The following C5orf47 variants were observed in gnomAD, a reference collection of about 807,000 sequenced individuals.
C5orf47 encodes the protein uncharacterized protein C5orf47.
A neutral mutation model predicts 20.6 loss-of-function variants in C5orf47; 20 were observed. The observed-to-expected ratio is 0.97, with a 90% CI of 0.68 to 1.41. The LOEUF is 1.41. C5orf47 is among the 40% of genes most tolerant of loss of function. The probability of loss-of-function intolerance (pLI) is 0.00; values close to 1 mark genes in which losing one functional copy is unlikely to be tolerated. For synonymous variants in C5orf47, 106 were observed against 97.3 expected, an observed-to-expected ratio of 1.09 and a Z score of -0.53; for missense variants, 262 against 238.4, an observed-to-expected ratio of 1.10 and a Z score of -0.65.
chr5:174,000,559 T>G (rs1467847086), intron 3 of C5orf47, among the ~76,000 whole-genome samples: 2 of 152,140 alleles, frequency 1.3e-5, no homozygotes, highest in African/African-American at 2.4e-5. Flanking sequence ...CTTAGTACGG[T>G]CATTCTATGG....
In C5orf47 at chr5:174,004,711, A is replaced by G. The variant is rs565418163; in HGVS notation, c.*457A>G. On this transcript the variant is annotated 3_prime_UTR_variant, in exon 5 of 5. Transcript: ENST00000340147. ...TTTTTGGCTTCCTCTAAACTTCTCA[A>G]TTATTTTATGGAAAAAACCTTAGAA... is the stretch of plus-strand genomic sequence containing the variant. The G allele has an allele frequency of 4.6e-5, 7 of 152,278 alleles. No homozygotes were observed. Among genetic ancestry groups the G allele is most frequent in the Non-Finnish European group, 8.8e-5 (6 of 67,994 alleles). 9.4% of individuals were successfully genotyped at this position (152,278 alleles called of 1,614,324 possible).
chr5:173,993,153 C>G (rs1759029043), intron 1 of C5orf47, among the ~76,000 whole-genome samples: 1 of 152,142 alleles, frequency 6.6e-6, no homozygotes, highest in Admixed American at 6.5e-5. Flanking sequence ...AGTTTCTCTT[C>G]CCTGCTGGCC....
At chr5:173,989,698 C>G in intron 1 of C5orf47, 110 bp downstream of exon 1, 1 of 1,008,360 alleles carries the variant, frequency 9.9e-7, no homozygotes, top group South Asian at 2.3e-5. Context: ...GGGCAGCTTT[C>G]CTGTCAGGCC....
chr5:174,009,215 GA>G (rs1165683749), downstream of C5orf47, among the ~76,000 whole-genome samples: 1 of 151,242 alleles, frequency 6.6e-6, no homozygotes, highest in South Asian at 2.1e-4. Flanking sequence ...TATCTTAAAA[GA>G]AAAAAAATAA....
chr5:173,996,947 A>G (rs1759109681), intron 1 of C5orf47, among the ~76,000 whole-genome samples: 1 of 152,200 alleles, frequency 6.6e-6, no homozygotes, highest in African/African-American at 2.4e-5. Context: ...ATATGAGTTA[A>G]TATTCCTTAG....
At chr5:173,994,040 A>C (rs1414250024) in intron 1 of C5orf47, among the ~76,000 whole-genome samples, 2 of 152,318 alleles carry the variant, frequency 1.3e-5, no homozygotes, top group East Asian at 3.9e-4. Context: ...TTTTCCTTGC[A>C]AAAAGTTGTC....
intron 4 of C5orf47, among the ~76,000 whole-genome samples, chr5:174,003,406 G>A (rs550220515): frequency 1.2e-4 from 18 of 152,236 alleles, no homozygotes; most frequent in Middle Eastern, 3.4e-3. Context: ...AGATGATGCT[G>A]AGTTTTGAGA....
chr5:174,007,000 CTGTT>C (rs111638591), downstream of C5orf47, among the ~76,000 whole-genome samples: 1,068 of 152,304 alleles, frequency 7.0e-3, 4 homozygotes, highest in African/African-American at 0.017. Context: ...CAAAGGTTCT[CTGTT>C]TGTCTTTCTG....
At chr5:173,994,923 C>T (rs530059480) in intron 1 of C5orf47, among the ~76,000 whole-genome samples, 1 of 152,250 alleles carries the variant, frequency 6.6e-6, no homozygotes, top group South Asian at 2.1e-4. Context: ...AAGTGATTCT[C>T]CTGCCTCAGC....
intron 3 of C5orf47, 41 bp from the exon 4 acceptor site, chr5:174,001,155 A>T: frequency 7.1e-7 from 1 of 1,415,370 alleles, no homozygotes; most frequent in South Asian, 1.3e-5. Flanking sequence ...CCAGTGCTAG[A>T]GGCCAACTTA....
downstream of C5orf47, among the ~76,000 whole-genome samples, chr5:174,008,533 T>C (rs1271780241): frequency 1.3e-5 from 2 of 152,112 alleles, no homozygotes; most frequent in Admixed American, 1.3e-4. Flanking sequence ...TTAAATGCCT[T>C]TTGAAAAACA....
In C5orf47 at chr5:174,005,252, A is replaced by T. The variant is rs531483301; in HGVS notation, c.*998A>T. The T allele has an allele frequency of 1.3e-4, 20 of 152,290 alleles. No homozygotes were observed. Among genetic ancestry groups the T allele is most frequent in the Admixed American group, 5.9e-4 (9 of 15,288 alleles). The allele number at this position is 152,290 out of a possible 1,614,324, so 9.4% of individuals were successfully genotyped here. A position where few individuals can be genotyped will look rare whatever the true frequency, so the allele number is the denominator to read the frequency against. ...CAGGATGATTACAGTGATGACATCC[A>T]TTCTTTTTTGGGGGCATTGAGAAGG... On this transcript the variant is annotated 3_prime_UTR_variant, in exon 5 of 5. Transcript: ENST00000340147.
At chr5:174,000,553 G>C (rs1316023966) in intron 3 of C5orf47, among the ~76,000 whole-genome samples, 4 of 151,952 alleles carry the variant, frequency 2.6e-5, no homozygotes, top group African/African-American at 9.7e-5. Flanking sequence ...TGAGTTCTTA[G>C]TACGGTCATT....
intron 3 of C5orf47, among the ~76,000 whole-genome samples, chr5:174,000,595 A>AT (rs1759178777): frequency 6.6e-6 from 1 of 152,088 alleles, no homozygotes; most frequent in Admixed American, 6.6e-5. Context: ...AGTCAGTAAA[A>AT]TTGCAGTATT....
At chr5:173,990,671 C>T (rs764276827) in intron 1 of C5orf47, among the ~76,000 whole-genome samples, 1 of 150,518 alleles carries the variant, frequency 6.6e-6, no homozygotes, top group African/African-American at 2.5e-5. Flanking sequence ...ATCTTGACCT[C>T]AGGTGATCCA....
At chr5:174,000,374 A>G (rs760138523) in intron 3 of C5orf47, among the ~76,000 whole-genome samples, 4 of 152,162 alleles carry the variant, frequency 2.6e-5, no homozygotes, top group Admixed American at 6.5e-5. Flanking sequence ...TGGTGTGTTT[A>G]TCAAAATAAT....
Position 174,005,976 on chromosome 5 carries a change from AAT to A in C5orf47, c.*1725_*1726del, listed in dbSNP as rs1430394681. The A allele has an allele frequency of 6.6e-6, 1 of 152,282 alleles. No homozygotes were observed. Among genetic ancestry groups the A allele is most frequent in the Non-Finnish European group, 1.5e-5 (1 of 68,040 alleles). 9.4% of individuals were successfully genotyped at this position (152,282 alleles called of 1,614,324 possible). On this transcript the variant is annotated 3_prime_UTR_variant, in exon 5 of 5. Coordinates refer to ENST00000340147, the MANE Select transcript of C5orf47 (RefSeq NM_001144954.2). ...AATTTTTGTTTAATAATTTCTGGTG[AAT>A]ATGTGTTCAATCTGTTATGTTAAAT...
Position 174,005,714 on chromosome 5 carries a change from T to G in C5orf47, c.*1460T>G, listed in dbSNP as rs1759279087. ...ACTGTAATTTATGCTGCATAAAGTT[T>G]TGTAGTGAATGTGTATGAGAGTTTT... On this transcript the variant is annotated 3_prime_UTR_variant, in exon 5 of 5. Coordinates refer to ENST00000340147, the MANE Select transcript of C5orf47 (RefSeq NM_001144954.2). The G allele has an allele frequency of 6.6e-6, 1 of 152,354 alleles. No homozygotes were observed. The highest frequency in any genetic ancestry group is 2.4e-5 in the African/African-American group (1 of 41,448). The allele number at this position is 152,354 out of a possible 1,614,324, so 9.4% of individuals were successfully genotyped here.
downstream of C5orf47, among the ~76,000 whole-genome samples, chr5:174,008,801 C>G (rs1427394088): frequency 7.0e-6 from 1 of 143,384 alleles, no homozygotes; most frequent in Non-Finnish European, 1.5e-5. Flanking sequence ...CCACTGCACT[C>G]TAGCCTGGGT....
Sources: gnomAD v4.1 joint callset for allele counts (sites outside exome capture counted in the v4.1 genomes callset) on GRCh38, gnomAD v4.1.1 for gene constraint, MANE v1.5 for transcripts, NCBI Gene and HGNC (gene_info 2026-07-23, HGNC 2026-07-21) for gene names.